Variants in SH3GL2 observed in about 807,000 individuals in gnomAD.
The protein encoded by SH3GL2 is endophilin-A1.
A neutral mutation model predicts 46.0 loss-of-function variants in SH3GL2; 24 were observed. The ratio of observed to expected loss-of-function variants is 0.52; its 90% CI spans 0.38 to 0.73. SH3GL2 has a LOEUF of 0.73. Ranked by LOEUF, SH3GL2 falls within the 30% of genes least tolerant of loss-of-function variation. The pLI, the probability that SH3GL2 is intolerant of heterozygous loss-of-function variation, is 0.00. For synonymous variants in SH3GL2, 196 were observed against 147.1 expected, an observed-to-expected ratio of 1.33 and a Z score of -2.40; for missense variants, 413 against 424.2, an observed-to-expected ratio of 0.97 and a Z score of 0.23.
intron 1 of SH3GL2, among the ~76,000 whole-genome samples, chr9:17,665,076 T>G (rs1321752036): frequency 6.6e-6 from 1 of 152,194 alleles, no homozygotes. Flanking sequence ...TTTGCTTCAT[T>G]GACTTTATCA....
chr9:17,635,248 T>G (rs145607739), intron 1 of SH3GL2, among the ~76,000 whole-genome samples: 1 of 152,238 alleles, frequency 6.6e-6, no homozygotes, highest in Non-Finnish European at 1.5e-5. Flanking sequence ...TATGGTTTTC[T>G]GTTCCTGCAT....
chr9:17,639,653 G>A (rs930763607), intron 1 of SH3GL2, among the ~76,000 whole-genome samples: 3 of 152,158 alleles, frequency 2.0e-5, no homozygotes, highest in African/African-American at 7.2e-5. Context: ...CAACTCCTTG[G>A]TGTTAGTCGA....
chr9:17,621,782 C>G (rs750901037), intron 1 of SH3GL2, among the ~76,000 whole-genome samples: 4 of 152,136 alleles, frequency 2.6e-5, no homozygotes, highest in Non-Finnish European at 5.9e-5. Flanking sequence ...ATGGATCACT[C>G]AGGACAAAAA....
chr9:17,713,147 T>G (rs1223338302), intron 1 of SH3GL2, among the ~76,000 whole-genome samples: 1 of 151,546 alleles, frequency 6.6e-6, no homozygotes, highest in African/African-American at 2.4e-5. Flanking sequence ...GTTTTCCTTT[T>G]TAGTTTTTTA....
chr9:17,761,171 C>T (rs1823159239), intron 2 of SH3GL2, among the ~76,000 whole-genome samples: 1 of 152,184 alleles, frequency 6.6e-6, no homozygotes, highest in Non-Finnish European at 1.5e-5. Flanking sequence ...CTTATTTTCA[C>T]CAGAAGGTAA....
chr9:17,632,346 C>G (rs959367870), intron 1 of SH3GL2, among the ~76,000 whole-genome samples: 1 of 151,996 alleles, frequency 6.6e-6, no homozygotes, highest in Non-Finnish European at 1.5e-5. Flanking sequence ...CCATCTTGGC[C>G]GACATAGCTA....
intron 1 of SH3GL2, among the ~76,000 whole-genome samples, chr9:17,638,834 G>C (rs193160621): frequency 2.6e-4 from 39 of 152,202 alleles, no homozygotes; most frequent in Non-Finnish European, 5.0e-4. Context: ...CCTTCAGACT[G>C]GGGGAGGGGG....
At chr9:17,667,064 T>C (rs1434592170) in intron 1 of SH3GL2, among the ~76,000 whole-genome samples, 2 of 152,204 alleles carry the variant, frequency 1.3e-5, no homozygotes, top group African/African-American at 4.8e-5. Context: ...GTGAATTGTC[T>C]GTGTCTTTTG....
intron 1 of SH3GL2, among the ~76,000 whole-genome samples, chr9:17,649,134 C>G (rs1006003528): frequency 6.6e-6 from 1 of 152,166 alleles, no homozygotes. Context: ...AGAGTCTTAC[C>G]CTGTCACCCA....
At chr9:17,634,873 G>A (rs1819507533) in intron 1 of SH3GL2, among the ~76,000 whole-genome samples, 1 of 152,198 alleles carries the variant, frequency 6.6e-6, no homozygotes, top group Non-Finnish European at 1.5e-5. Context: ...GGATGGGGAA[G>A]GGTAAGCATT....
At chr9:17,594,613 T>G (rs997323425) in intron 1 of SH3GL2, among the ~76,000 whole-genome samples, 11 of 152,100 alleles carry the variant, frequency 7.2e-5, no homozygotes, top group African/African-American at 2.2e-4. Flanking sequence ...AACCTGCACG[T>G]TCTGCACATG....
intron 1 of SH3GL2, among the ~76,000 whole-genome samples, chr9:17,595,570 A>G (rs1164289438): frequency 6.6e-6 from 1 of 152,200 alleles, no homozygotes; most frequent in East Asian, 1.9e-4. Context: ...ATATAAATGT[A>G]TAAGTATGTA....
intron 2 of SH3GL2, among the ~76,000 whole-genome samples, chr9:17,753,547 T>TA (rs1236511325): frequency 6.6e-6 from 1 of 152,230 alleles, no homozygotes; most frequent in African/African-American, 2.4e-5. Context: ...TAAATTTCTT[T>TA]AAGTTCCTTA....
chr9:17,586,032 T>G (rs1368569239), intron 1 of SH3GL2, among the ~76,000 whole-genome samples: 1 of 152,202 alleles, frequency 6.6e-6, no homozygotes, highest in Non-Finnish European at 1.5e-5. Context: ...CTATACTTAT[T>G]AAAATGCCAT....
At chr9:17,777,692 G>C (rs1823681156) in intron 3 of SH3GL2, among the ~76,000 whole-genome samples, 1 of 152,018 alleles carries the variant, frequency 6.6e-6, no homozygotes, top group East Asian at 1.9e-4. Context: ...CATGTGTGTG[G>C]AGGGAGAGAG....
chr9:17,708,382 T>G (rs561348389), intron 1 of SH3GL2, among the ~76,000 whole-genome samples: 1 of 152,114 alleles, frequency 6.6e-6, no homozygotes, highest in Non-Finnish European at 1.5e-5. Context: ...CATTCTTTCA[T>G]GTCAGATGTT....
At chr9:17,751,250 G>A (rs1432397254) in intron 2 of SH3GL2, among the ~76,000 whole-genome samples, 1 of 152,076 alleles carries the variant, frequency 6.6e-6, no homozygotes, top group African/African-American at 2.4e-5. Context: ...GAGTAAGAGA[G>A]GATTATTGGC....
At chr9:17,688,029 T>A (rs1820968183) in intron 1 of SH3GL2, among the ~76,000 whole-genome samples, 1 of 152,098 alleles carries the variant, frequency 6.6e-6, no homozygotes, top group Non-Finnish European at 1.5e-5. Flanking sequence ...AGTAGCTCTT[T>A]TTCTAGTATA....
In SH3GL2 at chr9:17,579,173, C is replaced by G; in HGVS notation, c.-70C>G. ...AGGCGGCCAGGGGAGCGCGCCGCCC[C>G]GCTCGGCCCTCCAGTCCCCCTCCGC... On this transcript the variant is annotated 5_prime_UTR_variant, in exon 1 of 9. Transcript: ENST00000380607. 2 of 1,193,918 alleles carry G rather than the reference C, an allele frequency of 1.7e-6. No homozygotes were observed. Among genetic ancestry groups the G allele is most frequent in the Non-Finnish European group, 2.3e-6 (2 of 866,896 alleles). 74.0% of individuals were successfully genotyped at this position (1,193,918 alleles called of 1,614,324 possible). A position where few individuals can be genotyped will look rare whatever the true frequency, so the allele number is the denominator to read the frequency against.
Sources: gnomAD v4.1 joint callset for allele counts (sites outside exome capture counted in the v4.1 genomes callset) on GRCh38, gnomAD v4.1.1 for gene constraint, MANE v1.5 for transcripts, NCBI Gene and HGNC (gene_info 2026-07-23, HGNC 2026-07-21) for gene names.